Variants in WWOX observed in about 807,000 individuals in gnomAD.
WWOX encodes the protein WW domain containing oxidoreductase, also known as WW domain-containing oxidoreductase.
Under a neutral mutation model 46.2 loss-of-function variants are expected in WWOX, and 69 were observed. That is an observed-to-expected ratio of 1.49 (90% CI 1.23 to 1.82). WWOX has a LOEUF of 1.82. Ranked by LOEUF, WWOX falls within the 40% of genes most tolerant of loss-of-function variation. The pLI, the probability that WWOX is intolerant of heterozygous loss-of-function variation, is 0.00. For synonymous variants in WWOX, 359 were observed against 202.6 expected, an observed-to-expected ratio of 1.77 and a Z score of -6.56; for missense variants, 919 against 542.6, an observed-to-expected ratio of 1.69 and a Z score of -6.89.
chr16:78,235,817 G>T (rs1428975830), intron 5 of WWOX, among the ~76,000 whole-genome samples: 8 of 152,184 alleles, frequency 5.3e-5, no homozygotes, highest in Admixed American at 2.6e-4. Flanking sequence ...AATTACTAAG[G>T]AACTGCCCAG....
intron 3 of WWOX, among the ~76,000 whole-genome samples, chr16:78,114,574 C>A (rs559634512): frequency 4.8e-4 from 73 of 152,242 alleles, no homozygotes; most frequent in African/African-American, 1.6e-3. Flanking sequence ...TACTTCTCTA[C>A]GTCTTTAGGC....
intron 8 of WWOX, among the ~76,000 whole-genome samples, chr16:78,904,748 G>C (rs1597131167): frequency 6.6e-6 from 1 of 152,122 alleles, no homozygotes; most frequent in Non-Finnish European, 1.5e-5. Context: ...TCTATGATCT[G>C]TCACACTTAG....
chr16:78,964,121 C>T (rs1411453798), intron 8 of WWOX, among the ~76,000 whole-genome samples: 2 of 152,134 alleles, frequency 1.3e-5, no homozygotes, highest in Non-Finnish European at 2.9e-5. Flanking sequence ...TGGACTAATA[C>T]AGTGAATTGG....
chr16:78,971,057 A>C (rs1105706), intron 8 of WWOX, among the ~76,000 whole-genome samples: 1 of 151,272 alleles, frequency 6.6e-6, no homozygotes, highest in African/African-American at 2.4e-5. Flanking sequence ...CCCAGGGTGT[A>C]TATATATATG....
chr16:78,474,528 G>C (rs1243120075), intron 8 of WWOX, among the ~76,000 whole-genome samples: 1 of 152,198 alleles, frequency 6.6e-6, no homozygotes, highest in East Asian at 1.9e-4. Flanking sequence ...CTTTAAAGCT[G>C]CTGTTACTCA....
At chr16:79,153,752 T>C (rs1567585665) in intron 8 of WWOX, among the ~76,000 whole-genome samples, 1 of 151,876 alleles carries the variant, frequency 6.6e-6, no homozygotes, top group Non-Finnish European at 1.5e-5. Flanking sequence ...CATCTGTTTT[T>C]TGGGGGGGGT....
At chr16:78,633,155 G>T (rs2004941) in intron 8 of WWOX, among the ~76,000 whole-genome samples, 6 of 152,024 alleles carry the variant, frequency 3.9e-5, no homozygotes, top group Non-Finnish European at 1.5e-5. Flanking sequence ...CCAGTTACTC[G>T]GGAGGCTGAG....
At chr16:79,175,649 G>A (rs1486786180) in intron 8 of WWOX, among the ~76,000 whole-genome samples, 2 of 152,202 alleles carry the variant, frequency 1.3e-5, no homozygotes, top group African/African-American at 2.4e-5. Flanking sequence ...TGATGAGGAC[G>A]TGCTCTGATT....
chr16:78,129,314 T>C (rs891265408), intron 4 of WWOX, among the ~76,000 whole-genome samples: 1 of 152,186 alleles, frequency 6.6e-6, no homozygotes, highest in African/African-American at 2.4e-5. Context: ...GTTCCTTACA[T>C]GTTTACTTAA....
intron 8 of WWOX, among the ~76,000 whole-genome samples, chr16:78,643,818 C>G (rs937162640): frequency 7.4e-6 from 1 of 134,296 alleles, no homozygotes; most frequent in African/African-American, 2.5e-5. Flanking sequence ...AGGAAAGCCC[C>G]CTAACTCCAA....
chr16:79,036,650 G>T (rs1180293734), intron 8 of WWOX, among the ~76,000 whole-genome samples: 1 of 152,190 alleles, frequency 6.6e-6, no homozygotes, highest in Non-Finnish European at 1.5e-5. Flanking sequence ...GCTCTCTGAA[G>T]CTCTGTTTTT....
chr16:78,420,463 C>T (rs1286241358), intron 6 of WWOX, among the ~76,000 whole-genome samples: 1 of 152,036 alleles, frequency 6.6e-6, no homozygotes, highest in Non-Finnish European at 1.5e-5. Context: ...CTGATATATG[C>T]TACAACATGG....
chr16:78,468,614 A>G (rs969239132), intron 8 of WWOX, among the ~76,000 whole-genome samples: 4 of 152,150 alleles, frequency 2.6e-5, no homozygotes, highest in African/African-American at 9.7e-5. Flanking sequence ...CATGACTTGG[A>G]ATAAAGACTT....
At chr16:78,528,250 G>C (rs563367344) in intron 8 of WWOX, among the ~76,000 whole-genome samples, 1 of 140,938 alleles carries the variant, frequency 7.1e-6, no homozygotes, top group African/African-American at 2.7e-5. Context: ...TGCTGATCTC[G>C]TAATCCGCCC....
chr16:78,163,950 G>T (rs767912444), intron 4 of WWOX, among the ~76,000 whole-genome samples: 1 of 152,088 alleles, frequency 6.6e-6, no homozygotes, highest in Non-Finnish European at 1.5e-5. Flanking sequence ...CCCTGTTCAT[G>T]GTAAGATGTT....
chr16:78,530,898 T>C (rs1303739748), intron 8 of WWOX, among the ~76,000 whole-genome samples: 1 of 152,244 alleles, frequency 6.6e-6, no homozygotes, highest in Admixed American at 6.5e-5. Context: ...CAACACATTA[T>C]CTCACTTAAT....
At chr16:78,499,931 G>C (rs1022634451) in intron 8 of WWOX, among the ~76,000 whole-genome samples, 1 of 152,162 alleles carries the variant, frequency 6.6e-6, no homozygotes, top group Admixed American at 6.5e-5. Context: ...GGATTAAGTA[G>C]TACCAAATGG....
At chr16:79,047,877 T>G (rs148689039) in intron 8 of WWOX, among the ~76,000 whole-genome samples, 1 of 151,518 alleles carries the variant, frequency 6.6e-6, no homozygotes. Context: ...GACAACTCAT[T>G]GATTCAGATT....
chr16:78,570,420 T>C (rs1389683086), intron 8 of WWOX, among the ~76,000 whole-genome samples: 1 of 152,170 alleles, frequency 6.6e-6, no homozygotes, highest in African/African-American at 2.4e-5. Flanking sequence ...GCGATCCTCA[T>C]GCCTTAGTCT....
Sources: gnomAD v4.1 joint callset for allele counts (sites outside exome capture counted in the v4.1 genomes callset) on GRCh38, gnomAD v4.1.1 for gene constraint, MANE v1.5 for transcripts, NCBI Gene and HGNC (gene_info 2026-07-23, HGNC 2026-07-21) for gene names.